The following ICAM2 variants were observed in gnomAD, a reference collection of about 807,000 sequenced individuals.
The protein encoded by ICAM2 is ICAM-2.
Under a neutral mutation model 19.1 loss-of-function variants are expected in ICAM2, and 14 were observed. That is an observed-to-expected ratio of 0.73 (90% CI 0.48 to 1.15). The LOEUF (loss-of-function observed/expected upper bound fraction) is 1.15. Among genes scored for constraint, ICAM2 ranks in the 50% most tolerant of loss-of-function variants. ICAM2 has a pLI of 0.00. For synonymous variants in ICAM2, 153 were observed against 152.7 expected (o/e 1.00, Z -0.01); for missense variants, 311 against 355.4 (o/e 0.88, Z 1.00).
Position 64,003,664 on chromosome 17 carries a change from G to T in ICAM2, c.629C>A (p.Pro210Gln), listed in dbSNP as rs538353983. 18 of 1,613,828 alleles carry T rather than the reference G, an allele frequency of 1.1e-5. No individual in the cohort carries two copies. The South Asian group carries it at 1.5e-4, about 14-fold the overall frequency. Residue 210 changes from proline (P) to glutamine (Q), a missense_variant, in exon 4 of 5, where the codon CCG becomes CAG. By Grantham distance (76) the Pro-to-Gln change is moderately conservative. Coordinates refer to ENST00000579788, the MANE Select transcript of ICAM2 (RefSeq NM_001099789.2). Reference sequence around the variant, plus strand: ...CTCACCATAGATCTCCAACATCTTCGGGGCTGAGTGTTTGTGAAAGATGTT... The same window carrying T: ...CTCACCATAGATCTCCAACATCTTCTGGGCTGAGTGTTTGTGAAAGATGTT... Reference protein sequence around the residue: ...GGNIFHKHSAPKMLEIYEPVS... With the variant: ...GGNIFHKHSAQKMLEIYEPVS...
At chr17:64,010,653 A>T (rs778431150) in intron 1 of ICAM2, among the ~76,000 whole-genome samples, 2 of 152,206 alleles carry the variant, frequency 1.3e-5, no homozygotes, top group African/African-American at 2.4e-5. Context: ...CTAAATGAGC[A>T]TTTACAAATG....
At chr17:64,004,775 AT>A in intron 3 of ICAM2, 1 of 422,926 alleles carries the variant, frequency 2.4e-6, no homozygotes, top group Admixed American at 3.5e-5. Flanking sequence ...AGCTCCCCTG[AT>A]GGTGACCCCA....
chr17:64,013,127 A>G (rs993224456), intron 1 of ICAM2, among the ~76,000 whole-genome samples: 7 of 152,200 alleles, frequency 4.6e-5, no homozygotes, highest in Non-Finnish European at 7.3e-5. Flanking sequence ...AGCGTGGCCA[A>G]CATGGTGAAA....
chr17:64,009,443 C>G (rs559546703), intron 1 of ICAM2, among the ~76,000 whole-genome samples: 1 of 152,220 alleles, frequency 6.6e-6, no homozygotes, highest in East Asian at 1.9e-4. Context: ...TGAGTTAGGC[C>G]TGCACAAAGG....
intron 3 of ICAM2, 62 bp from the exon 4 acceptor site, chr17:64,004,026 C>T (rs1911025484): frequency 2.3e-6 from 3 of 1,278,890 alleles, no homozygotes; most frequent in South Asian, 1.4e-5. Flanking sequence ...CAGCCTCCCC[C>T]TGGCCAGGGC....
chr17:64,013,567 A>G (rs956787531), intron 1 of ICAM2, among the ~76,000 whole-genome samples: 11 of 152,324 alleles, frequency 7.2e-5, no homozygotes, highest in African/African-American at 2.6e-4. Flanking sequence ...TACAAGAGAC[A>G]TACTTCATGC....
At chr17:64,018,201 G>A (rs1218834308) in intron 1 of ICAM2, among the ~76,000 whole-genome samples, 6 of 151,864 alleles carry the variant, frequency 4.0e-5, no homozygotes, top group Admixed American at 3.9e-4. Context: ...AGGCATGGTG[G>A]CGGGCACCTG....
At chr17:64,009,413 C>T (rs1209964818) in intron 1 of ICAM2, among the ~76,000 whole-genome samples, 1 of 151,676 alleles carries the variant, frequency 6.6e-6, no homozygotes, top group Admixed American at 6.6e-5. Flanking sequence ...TGGTACCTTA[C>T]TCCTTGAGGA....
chr17:64,018,542 G>A (rs1303707594), intron 1 of ICAM2, among the ~76,000 whole-genome samples: 1 of 151,736 alleles, frequency 6.6e-6, no homozygotes, highest in Non-Finnish European at 1.5e-5. Context: ...TAGGTTAATA[G>A]GCACCCTTCT....
At chr17:64,015,493 A>G (rs1230338125) in intron 1 of ICAM2, among the ~76,000 whole-genome samples, 4 of 152,184 alleles carry the variant, frequency 2.6e-5, no homozygotes, top group African/African-American at 9.7e-5. Context: ...TAATCCCAGC[A>G]CTTTGGAAGG....
intron 1 of ICAM2, among the ~76,000 whole-genome samples, chr17:64,011,171 C>CA: frequency 6.6e-6 from 1 of 152,252 alleles, no homozygotes; most frequent in South Asian, 2.1e-4. Context: ...CAAAAGAAGA[C>CA]ATACAAATGG....
At chr17:64,006,766 C>T in intron 1 of ICAM2, 31 bp from the exon 2 acceptor site, 1 of 1,349,182 alleles carries the variant, frequency 7.4e-7, no homozygotes, top group Non-Finnish European at 1.1e-6. Context: ...CAGGTCTGAG[C>T]TATGGCCCAG....
intron 4 of ICAM2, 62 bp downstream of exon 4, chr17:64,003,582 C>T: frequency 6.7e-7 from 1 of 1,493,964 alleles, no homozygotes; most frequent in Admixed American, 1.9e-5. Flanking sequence ...CAAGATTTTT[C>T]TTCCCCCGAG....
rs147044723 is a variant in ICAM2 at position 64,015,802 on chromosome 17, G to A, written c.-45+4721C>T. ...CGTAATTTAAAGATCTTCCCATGAA[G>A]AAAATACCAGGTCTAGATGGTTTTG... is the stretch of plus-strand genomic sequence containing the variant. On this transcript the variant is annotated intron_variant, in intron 1 of 4. Transcript: ENST00000579788. 6.3e-3 allele frequency among the ~76,000 whole-genome samples: 966 copies of A among 152,144 alleles called. 2 individuals carry two copies. Among genetic ancestry groups the A allele is most frequent in the Admixed American group, 0.012 (178 of 15,268 alleles).
chr17:64,003,449 G>A (rs528679979), intron 4 of ICAM2, 195 bp downstream of exon 4: 92 of 604,612 alleles, frequency 1.5e-4, no homozygotes, highest in African/African-American at 1.4e-3. Context: ...GACCTCTCCC[G>A]ACCTCTGGAG....
chr17:64,014,038 T>C (rs1453145922), intron 1 of ICAM2, among the ~76,000 whole-genome samples: 3 of 152,162 alleles, frequency 2.0e-5, no homozygotes, highest in African/African-American at 7.2e-5. Flanking sequence ...CATAATCTAA[T>C]GCATTGGTCA....
intron 1 of ICAM2, among the ~76,000 whole-genome samples, chr17:64,008,475 G>A: frequency 6.6e-6 from 1 of 152,152 alleles, no homozygotes; most frequent in Non-Finnish European, 1.5e-5. Context: ...GTCGGGCACT[G>A]TCACAAGCAC....
intron 1 of ICAM2, among the ~76,000 whole-genome samples, chr17:64,017,172 T>C (rs796156420): frequency 6.6e-6 from 1 of 152,124 alleles, no homozygotes; most frequent in Non-Finnish European, 1.5e-5. Context: ...ATCAAAACCA[T>C]CGGTATTTGT....
Position 64,005,079 on chromosome 17 carries a change from AGGAGGGCCCCGCAGCACAGCCACTCAC to A in ICAM2, c.328+1_328+27del, listed in dbSNP as rs777541406. On this transcript the variant is annotated splice_donor_variant and splice_donor_5th_base_variant and intron_variant, in intron 3 of 4. Transcript: ENST00000579788. LOFTEE classifies it high-confidence loss of function. ...AGACACAGCCTCTGTCCCAGGGGAGAGGAGGGCCCCGCAGCACAGCCACTCACGGTACACGCTGACGTTGGAATTCAT... is the reference window on the plus strand; with the variant it reads ...AGACACAGCCTCTGTCCCAGGGGAGAGGTACACGCTGACGTTGGAATTCAT... 6.2e-7 allele frequency: 1 copy of A among 1,613,392 alleles called. No individual in the cohort carries two copies.
Sources: allele counts gnomAD v4.1 joint callset (sites outside exome capture counted in the v4.1 genomes callset), GRCh38; gene constraint gnomAD v4.1.1; transcripts MANE v1.5; gene names NCBI Gene and HGNC (gene_info 2026-07-23, HGNC 2026-07-21).